MTUS1: variants seen among roughly 807,000 people sequenced by gnomAD.
The protein encoded by MTUS1 is microtubule associated scaffold protein 1.
MTUS1 carries 109 observed loss-of-function variants against 120.8 expected under a neutral mutation model. The observed-to-expected ratio is 0.90, with a 90% CI of 0.77 to 1.06. The LOEUF (loss-of-function observed/expected upper bound fraction) is 1.06, where lower values mean the gene tolerates loss of function less well. Ranked by LOEUF, MTUS1 falls within the 50% of genes least tolerant of loss-of-function variation. MTUS1 has a pLI of 0.00. For synonymous variants in MTUS1, 737 were observed against 550.5 expected (o/e 1.34, Z -4.74); for missense variants, 2,210 against 1,486.3 (o/e 1.49, Z -8.01).
chr8:17,790,091 G>A (rs1214658715), intron 1 of MTUS1, among the ~76,000 whole-genome samples: 4 of 152,160 alleles, frequency 2.6e-5, no homozygotes, highest in African/African-American at 4.8e-5. Context: ...GCTCACACCT[G>A]TAATCCCAGC....
Position 17,774,862 on chromosome 8 carries a change from G to A in MTUS1, c.-154-18901C>T, listed in dbSNP as rs142638780. Among the ~76,000 whole-genome samples the A allele has an allele frequency of 1.2e-3, 185 of 150,222 alleles. 1 individual carries two copies. The highest frequency in any genetic ancestry group is 4.1e-3 in the African/African-American group (167 of 40,952). On this transcript the variant is annotated intron_variant, in intron 1 of 14. Coordinates refer to ENST00000693296, the MANE Select transcript of MTUS1 (RefSeq NM_001363059.2). ...CAGTGGCCACCACTGACAGATGAGTGGATAAACAAAATGTGATCTATACAT... is the reference window on the plus strand; with the variant it reads ...CAGTGGCCACCACTGACAGATGAGTAGATAAACAAAATGTGATCTATACAT...
At chr8:17,664,313 G>A (rs1294082762) in intron 8 of MTUS1, among the ~76,000 whole-genome samples, 1 of 152,114 alleles carries the variant, frequency 6.6e-6, no homozygotes, top group East Asian at 1.9e-4. Context: ...AAAGTGCCAG[G>A]CAAATTTTCA....
chr8:17,791,308 T>G (rs1435307157), intron 1 of MTUS1, among the ~76,000 whole-genome samples: 1 of 152,240 alleles, frequency 6.6e-6, no homozygotes, highest in Non-Finnish European at 1.5e-5. Context: ...GAATTAATAT[T>G]TCACTATGCT....
At chr8:17,740,932 C>G (rs1252894267) in intron 3 of MTUS1, among the ~76,000 whole-genome samples, 1 of 152,204 alleles carries the variant, frequency 6.6e-6, no homozygotes, top group Admixed American at 6.5e-5. Flanking sequence ...ATGGTGCTAT[C>G]TCGGCTCACT....
At chr8:17,670,116 T>A (rs954951645) in intron 8 of MTUS1, among the ~76,000 whole-genome samples, 1 of 152,050 alleles carries the variant, frequency 6.6e-6, no homozygotes, top group Non-Finnish European at 1.5e-5. Flanking sequence ...AGTTGTTAGC[T>A]TGGGTGGTAA....
intron 6 of MTUS1, among the ~76,000 whole-genome samples, chr8:17,689,875 C>T (rs1270793365): frequency 8.3e-6 from 1 of 120,436 alleles, no homozygotes; most frequent in African/African-American, 3.2e-5. Flanking sequence ...AAAATTAAGA[C>T]AGATTTAAGA....
rs370063521 is a variant in MTUS1 at position 17,669,326 on chromosome 8, T to C, written c.2905+5860A>G. On this transcript the variant is annotated intron_variant, in intron 8 of 14. Transcript: ENST00000693296. ...CGGGAGGGGAGTGGAAAGAGGAGAG[T>C]GCACTCCAGGCAGAGAGGATACCGT... Among the ~76,000 whole-genome samples, 21 of 151,258 alleles carry C rather than the reference T, an allele frequency of 1.4e-4. No homozygotes were observed. The East Asian group carries it at 2.9e-3, about 21-fold the overall frequency.
chr8:17,715,616 T>C, intron 5 of MTUS1, 151 bp downstream of exon 5: 1 of 825,476 alleles, frequency 1.2e-6, no homozygotes, highest in South Asian at 2.2e-5. Flanking sequence ...AACAATTTCC[T>C]CAGTGCAAAA....
chr8:17,734,112 G>C lies in MTUS1; in HGVS notation c.2287+9492C>G, dbSNP rs888877225. ...AACAAATGTGATGAAACAAGAACTT[G>C]TCACCTCTTCTATTTGGCAGTTAAT... On this transcript the variant is annotated intron_variant, in intron 3 of 14. Coordinates refer to ENST00000693296, the MANE Select transcript of MTUS1 (RefSeq NM_001363059.2). The C allele has an allele frequency of 5.9e-5, 9 of 152,230 alleles. No individual in the cohort carries two copies. In the East Asian group the frequency reaches 1.5e-3, roughly 26 times the overall value. 9.4% of individuals were successfully genotyped at this position (152,230 alleles called of 1,614,324 possible). A position where few individuals can be genotyped will look rare whatever the true frequency, so the allele number is the denominator to read the frequency against.
In MTUS1 at chr8:17,723,665, G is replaced by A. The variant is rs778773802; in HGVS notation, c.2449+7C>T. 12 of 1,605,976 alleles carry A rather than the reference G, an allele frequency of 7.5e-6. No homozygotes were observed. The highest frequency in any genetic ancestry group is 1.0e-5 in the Non-Finnish European group (12 of 1,173,456). Reference sequence around the variant, plus strand: ...AACCCCCGAAGTGTGATATAAAGTCGACTTACAATTGTTGCTGTAAGTGCT... The same window carrying A: ...AACCCCCGAAGTGTGATATAAAGTCAACTTACAATTGTTGCTGTAAGTGCT... On this transcript the variant is annotated splice_region_variant and intron_variant, in intron 4 of 14. Coordinates refer to ENST00000693296, the MANE Select transcript of MTUS1 (RefSeq NM_001363059.2).
At chr8:17,711,585 G>A (rs1275712842) in intron 6 of MTUS1, among the ~76,000 whole-genome samples, 1 of 152,274 alleles carries the variant, frequency 6.6e-6, no homozygotes, top group South Asian at 2.1e-4. Flanking sequence ...AGACCACTCA[G>A]ACTTTCTCTC....
intron 1 of MTUS1, among the ~76,000 whole-genome samples, chr8:17,773,123 A>G (rs368944798): frequency 6.6e-6 from 1 of 152,228 alleles, no homozygotes; most frequent in Non-Finnish European, 1.5e-5. Flanking sequence ...CTGTTATGCC[A>G]GAGAGGATCC....
intron 6 of MTUS1, among the ~76,000 whole-genome samples, chr8:17,694,733 T>C (rs1817625160): frequency 6.6e-6 from 1 of 152,052 alleles, no homozygotes; most frequent in Non-Finnish European, 1.5e-5. Flanking sequence ...CATGGTGTCA[T>C]GAAAAGAAAC....
intron 8 of MTUS1, among the ~76,000 whole-genome samples, chr8:17,656,810 G>A (rs541012173): frequency 6.6e-6 from 1 of 151,724 alleles, no homozygotes; most frequent in South Asian, 2.1e-4. Context: ...GGTGGCTCAC[G>A]CCTGTAATCC....
chr8:17,731,093 C>A (rs1461864890), intron 3 of MTUS1, among the ~76,000 whole-genome samples: 2 of 151,992 alleles, frequency 1.3e-5, no homozygotes, highest in Admixed American at 6.6e-5. Context: ...CAGATTAATA[C>A]GGTGGTATAT....
At chr8:17,729,217 G>A (rs968369741) in intron 3 of MTUS1, among the ~76,000 whole-genome samples, 3 of 152,114 alleles carry the variant, frequency 2.0e-5, no homozygotes, top group African/African-American at 7.2e-5. Flanking sequence ...TATAAAATCA[G>A]GGGAAACTTA....
rs779977005 is a variant in MTUS1, at chr8:17,644,161, T to G, written c.*1765A>C. The G allele has an allele frequency of 6.6e-6, 1 of 152,238 alleles. No individual in the cohort carries two copies. Among genetic ancestry groups the G allele is most frequent in the East Asian group, 1.9e-4 (1 of 5,188 alleles). 9.4% of individuals were successfully genotyped at this position (152,238 alleles called of 1,614,324 possible). A position where few individuals can be genotyped will look rare whatever the true frequency, so the allele number is the denominator to read the frequency against. On this transcript the variant is annotated 3_prime_UTR_variant, in exon 15 of 15. Coordinates refer to ENST00000693296, the MANE Select transcript of MTUS1 (RefSeq NM_001363059.2). ...AACAACTTGGAAGCGTGAGCAGAGA[T>G]ATCTCATGAAGTGGCAGTGAACCTA...
intron 1 of MTUS1, among the ~76,000 whole-genome samples, chr8:17,792,107 C>A (rs1299259762): frequency 6.6e-6 from 1 of 152,136 alleles, no homozygotes; most frequent in African/African-American, 2.4e-5. Flanking sequence ...GTCCTGGATA[C>A]CCATTACATT....
intron 6 of MTUS1, among the ~76,000 whole-genome samples, chr8:17,704,919 C>T (rs889891586): frequency 6.6e-6 from 1 of 152,180 alleles, no homozygotes; most frequent in Non-Finnish European, 1.5e-5. Flanking sequence ...GAGCTCTACA[C>T]AGAGTATGTG....
Sources: allele counts gnomAD v4.1 joint callset (sites outside exome capture counted in the v4.1 genomes callset), GRCh38; gene constraint gnomAD v4.1.1; transcripts MANE v1.5; gene names NCBI Gene and HGNC (gene_info 2026-07-23, HGNC 2026-07-21).